Variants in PLEKHH2 observed in about 807,000 individuals in gnomAD.
The protein encoded by PLEKHH2 is pleckstrin homology domain-containing family H member 2.
Under a neutral mutation model 187.9 loss-of-function variants are expected in PLEKHH2, and 129 were observed. That is an observed-to-expected ratio of 0.69 (90% confidence interval 0.59 to 0.79). PLEKHH2 has a LOEUF of 0.79. PLEKHH2 is among the 30% of genes least tolerant of loss of function. PLEKHH2 has a pLI of 0.00. For synonymous variants in PLEKHH2, 686 were observed against 605.6 expected, an observed-to-expected ratio of 1.13 and a Z score of -1.95; for missense variants, 2,076 against 1,751.2, an observed-to-expected ratio of 1.19 and a Z score of -3.31.
At chr2:43,642,040 C>T (rs919073546) in intron 1 of PLEKHH2, among the ~76,000 whole-genome samples, 3 of 152,198 alleles carry the variant, frequency 2.0e-5, no homozygotes, top group Non-Finnish European at 2.9e-5. Context: ...ATAGAGATTG[C>T]ATTGTGTGTA....
intron 11 of PLEKHH2, 113 bp downstream of exon 11, chr2:43,707,658 C>T: frequency 7.8e-7 from 1 of 1,282,094 alleles, no homozygotes; most frequent in Non-Finnish European, 1.1e-6. Context: ...GCTTCAGACC[C>T]TAGTGAAAAG....
intron 29 of PLEKHH2, among the ~76,000 whole-genome samples, chr2:43,764,586 A>T (rs1283975701): frequency 1.3e-5 from 2 of 152,224 alleles, no homozygotes; most frequent in Non-Finnish European, 2.9e-5. Context: ...AAATATGGTA[A>T]CATACTCCCT....
At chr2:43,720,145 C>T (rs1052014634) in intron 15 of PLEKHH2, among the ~76,000 whole-genome samples, 3 of 152,188 alleles carry the variant, frequency 2.0e-5, no homozygotes, top group African/African-American at 7.2e-5. Context: ...TAATCCACCC[C>T]TCCACTCCCT....
chr2:43,726,241 C>G, intron 16 of PLEKHH2, 31 bp from the exon 17 acceptor site: 1 of 1,462,286 alleles, frequency 6.8e-7, no homozygotes, highest in Non-Finnish European at 9.4e-7. Flanking sequence ...TTAGAAAATG[C>G]CTTCCTCACA....
chr2:43,649,054 T>A (rs1352465005), intron 2 of PLEKHH2, among the ~76,000 whole-genome samples: 1 of 152,192 alleles, frequency 6.6e-6, no homozygotes. Context: ...GTTTTGCACC[T>A]ATTTTTTTTC....
intron 2 of PLEKHH2, among the ~76,000 whole-genome samples, chr2:43,650,919 A>C (rs554196888): frequency 6.6e-6 from 1 of 152,180 alleles, no homozygotes; most frequent in African/African-American, 2.4e-5. Context: ...TGCTGGGATT[A>C]CAGGCATGAG....
chr2:43,753,782 G>A (rs1458979961), intron 25 of PLEKHH2, 22 bp downstream of exon 25: 1 of 1,477,694 alleles, frequency 6.8e-7, no homozygotes, highest in East Asian at 2.5e-5. Flanking sequence ...GTTATATGGA[G>A]TAATATATTG....
intron 20 of PLEKHH2, among the ~76,000 whole-genome samples, chr2:43,739,071 A>G (rs1324291745): frequency 6.6e-6 from 1 of 152,114 alleles, no homozygotes; most frequent in Non-Finnish European, 1.5e-5. Context: ...TTGCATTTTT[A>G]GCAGAGATGG....
chr2:43,642,856 G>A (rs1666012713), intron 1 of PLEKHH2, among the ~76,000 whole-genome samples: 1 of 152,088 alleles, frequency 6.6e-6, no homozygotes, highest in South Asian at 2.1e-4. Context: ...TATTTTACAT[G>A]TAGAGCAAAA....
intron 2 of PLEKHH2, among the ~76,000 whole-genome samples, chr2:43,648,314 G>A (rs929966896): frequency 6.6e-6 from 1 of 151,450 alleles, no homozygotes; most frequent in African/African-American, 2.4e-5. Flanking sequence ...TCAGCCTAAT[G>A]AGTAGCTGGG....
intron 11 of PLEKHH2, 152 bp downstream of exon 11, chr2:43,707,697 A>G (rs1169082298): frequency 5.2e-6 from 4 of 772,422 alleles, no homozygotes; most frequent in Non-Finnish European, 7.7e-6. Context: ...ATATGTTTAT[A>G]TTCCTAATTC....
Position 43,710,335 on chromosome 2 carries a change from G to A in PLEKHH2, c.2214+5G>A. The A allele has an allele frequency of 6.2e-7, 1 of 1,611,672 alleles. No individual in the cohort carries two copies. Among genetic ancestry groups the A allele is most frequent in the Non-Finnish European group, 8.5e-7 (1 of 1,177,922 alleles). On this transcript the variant is annotated splice_donor_5th_base_variant and intron_variant, in intron 13 of 29. Transcript: ENST00000282406. ...TTACTTTACTACAAATCTCCGGTGA[G>A]TGGAAAGTGTTTTCTGTTTAGAACG...
chr2:43,707,712 C>T (rs1669730837), intron 11 of PLEKHH2, among the ~76,000 whole-genome samples, 167 bp downstream of exon 11: 4 of 151,370 alleles, frequency 2.6e-5, no homozygotes, highest in African/African-American at 9.7e-5. Flanking sequence ...TAATTCTCTT[C>T]TTAATTCTCT....
intron 26 of PLEKHH2, among the ~76,000 whole-genome samples, chr2:43,758,003 A>G (rs551796441): frequency 1.3e-5 from 2 of 152,280 alleles, no homozygotes; most frequent in South Asian, 4.1e-4. Context: ...AATTTACCTC[A>G]ATTTGGAGTT....
intron 19 of PLEKHH2, among the ~76,000 whole-genome samples, chr2:43,736,928 G>A (rs943863882): frequency 3.3e-5 from 5 of 152,174 alleles, no homozygotes; most frequent in Non-Finnish European, 1.5e-5. Context: ...TGATAAGCAT[G>A]TGTGTATGTG....
At chr2:43,678,829 A>C (rs749639713) in intron 2 of PLEKHH2, 34 bp from the exon 3 acceptor site, 3 of 1,509,978 alleles carry the variant, frequency 2.0e-6, no homozygotes, top group South Asian at 1.2e-5. Flanking sequence ...TTCAAAAATA[A>C]ATTTTTGTAT....
chr2:43,743,958 A>G lies in PLEKHH2; in HGVS notation c.3524A>G (p.Asp1175Gly). 1 of 1,614,068 alleles carries G rather than the reference A, an allele frequency of 6.2e-7. No homozygotes were observed. Among genetic ancestry groups the G allele is most frequent in the Non-Finnish European group, 8.5e-7 (1 of 1,179,948 alleles). The part of the protein sequence containing the change: ...ALFTDDPSGR[D>G]LEHCLQGNIK... Reference sequence around the variant, plus strand: ...TTCACTGACGATCCTTCTGGCAGAGATTTAGAGCATTGTCTTCAAGGAAAC... The same window carrying G: ...TTCACTGACGATCCTTCTGGCAGAGGTTTAGAGCATTGTCTTCAAGGAAAC... Residue 1175 changes from aspartate (D) to glycine (G), a missense_variant, in exon 23 of 30, where the codon GAT becomes GGT. Asp to Gly is a moderately conservative substitution (Grantham distance 94). Coordinates refer to ENST00000282406, the MANE Select transcript of PLEKHH2 (RefSeq NM_172069.4).
intron 3 of PLEKHH2, among the ~76,000 whole-genome samples, chr2:43,688,607 A>T (rs1668640997): frequency 6.6e-6 from 1 of 152,164 alleles, no homozygotes; most frequent in African/African-American, 2.4e-5. Context: ...CTGTATTGGG[A>T]TCCCCAACAG....
intron 2 of PLEKHH2, among the ~76,000 whole-genome samples, chr2:43,667,777 C>G (rs752811605): frequency 6.6e-6 from 1 of 151,894 alleles, no homozygotes; most frequent in African/African-American, 2.4e-5. Context: ...TTGCAAAGGG[C>G]GATTGGGAGA....
Sources: allele counts gnomAD v4.1 joint callset (sites outside exome capture counted in the v4.1 genomes callset), GRCh38; gene constraint gnomAD v4.1.1; transcripts MANE v1.5; gene names NCBI Gene and HGNC (gene_info 2026-07-23, HGNC 2026-07-21).